Variants in NAALADL2 observed in about 807,000 individuals in gnomAD.
NAALADL2 encodes the protein inactive N-acetylated-alpha-linked acidic dipeptidase-like protein 2.
A neutral mutation model predicts 87.2 loss-of-function variants in NAALADL2; 76 were observed. The observed-to-expected ratio is 0.87, with a 90% confidence interval of 0.72 to 1.05. The LOEUF is 1.05. NAALADL2 is among the 50% of genes least tolerant of loss of function. The pLI, the probability that NAALADL2 is intolerant of heterozygous loss-of-function variation, is 0.00. For synonymous variants in NAALADL2, 354 were observed against 331.0 expected, an observed-to-expected ratio of 1.07 and a Z score of -0.75; for missense variants, 1,089 against 945.8, an observed-to-expected ratio of 1.15 and a Z score of -1.99.
At chr3:174,774,678 TC>T (rs1714991318) in intron 3 of NAALADL2, among the ~76,000 whole-genome samples, 1 of 152,208 alleles carries the variant, frequency 6.6e-6, no homozygotes, top group African/African-American at 2.4e-5. Context: ...CTTTGGCAGT[TC>T]TGCACCAAGA....
In NAALADL2 at chr3:175,177,158, A is replaced by G. The variant is rs989831671; in HGVS notation, c.546-56773A>G. ...ATCTTATCCAAATCTTTCTCCCCATATGCTCCAGCTTCTTGTGTCTAATTT... is the reference window on the plus strand; with the variant it reads ...ATCTTATCCAAATCTTTCTCCCCATGTGCTCCAGCTTCTTGTGTCTAATTT... On this transcript the variant is annotated intron_variant, in intron 2 of 13. Transcript: ENST00000454872. Among the ~76,000 whole-genome samples the G allele has an allele frequency of 2.2e-4, 33 of 151,982 alleles. 1 individual carries two copies. The highest frequency in any genetic ancestry group is 1.8e-3 in the Admixed American group (27 of 15,212).
intron 1 of NAALADL2, among the ~76,000 whole-genome samples, chr3:174,873,191 C>G (rs1481223125): frequency 2.1e-5 from 3 of 141,244 alleles, no homozygotes; most frequent in Non-Finnish European, 3.0e-5. Context: ...AACTCACTCT[C>G]TCTGTCTGTC....
chr3:174,676,166 A>G (rs1196490030), intron 2 of NAALADL2, among the ~76,000 whole-genome samples: 1 of 152,038 alleles, frequency 6.6e-6, no homozygotes, highest in Non-Finnish European at 1.5e-5. Flanking sequence ...TAATTGACCA[A>G]TTGTGAAGAT....
At chr3:175,230,946 C>A (rs1744855826) in intron 2 of NAALADL2, among the ~76,000 whole-genome samples, 1 of 151,872 alleles carries the variant, frequency 6.6e-6, no homozygotes, top group Non-Finnish European at 1.5e-5. Flanking sequence ...TATCAGGAAA[C>A]ATGAATAAGA....
At chr3:174,566,620 C>T (rs1162255158) in intron 2 of NAALADL2, among the ~76,000 whole-genome samples, 1 of 151,582 alleles carries the variant, frequency 6.6e-6, no homozygotes, top group Non-Finnish European at 1.5e-5. Flanking sequence ...TCCCTCATTC[C>T]ATATTTTATG....
At chr3:175,562,238 C>G (rs1402179444) in intron 9 of NAALADL2, among the ~76,000 whole-genome samples, 1 of 152,070 alleles carries the variant, frequency 6.6e-6, no homozygotes, top group East Asian at 1.9e-4. Flanking sequence ...ACCTGAGTGA[C>G]AATAGATGAT....
intron 2 of NAALADL2, among the ~76,000 whole-genome samples, chr3:174,705,594 C>A (rs897818150): frequency 2.0e-5 from 3 of 151,994 alleles, no homozygotes; most frequent in Non-Finnish European, 4.4e-5. Flanking sequence ...ACCATCCTGG[C>A]TAACACGGTG....
At chr3:175,025,902 C>T (rs920349274) in intron 1 of NAALADL2, among the ~76,000 whole-genome samples, 2 of 152,108 alleles carry the variant, frequency 1.3e-5, no homozygotes, top group Non-Finnish European at 2.9e-5. Context: ...CTCCACCTCT[C>T]AGGCTCAAGT....
intron 1 of NAALADL2, among the ~76,000 whole-genome samples, chr3:174,887,847 T>C (rs544478298): frequency 2.9e-4 from 44 of 151,658 alleles, no homozygotes; most frequent in African/African-American, 9.7e-4. Flanking sequence ...CATGTGGATA[T>C]AGTGATGAAA....
chr3:175,567,423 C>T (rs775839996), intron 9 of NAALADL2, among the ~76,000 whole-genome samples: 4 of 151,474 alleles, frequency 2.6e-5, no homozygotes, highest in Non-Finnish European at 5.9e-5. Context: ...CTCATTAGTA[C>T]ATAATGAAAT....
chr3:175,726,069 A>C (rs1366367663), intron 11 of NAALADL2, among the ~76,000 whole-genome samples: 1 of 152,126 alleles, frequency 6.6e-6, no homozygotes, highest in Non-Finnish European at 1.5e-5. Flanking sequence ...TCTAGAAACA[A>C]TATGACTAGC....
chr3:175,437,254 T>G (rs1482769231), intron 5 of NAALADL2, among the ~76,000 whole-genome samples: 5 of 149,478 alleles, frequency 3.3e-5, no homozygotes, highest in Non-Finnish European at 7.4e-5. Flanking sequence ...CAGCAAAGTC[T>G]CAGGATACAA....
Position 174,714,166 on chromosome 3 carries a change from A to G in NAALADL2, c.-114-23475A>G, listed in dbSNP as rs187658756. Among the ~76,000 whole-genome samples the G allele has an allele frequency of 3.8e-3, 575 of 152,010 alleles. 4 individuals carry two copies. Among genetic ancestry groups the G allele is most frequent in the South Asian group, 0.012 (59 of 4,808 alleles). ...TTCTGTTCCATTGGTCTATATCTCTATTTTGGTACCAGTTCCATGCTGTTT... is the reference window on the plus strand; with the variant it reads ...TTCTGTTCCATTGGTCTATATCTCTGTTTTGGTACCAGTTCCATGCTGTTT... On this transcript the variant is annotated intron_variant, in intron 2 of 3. Coordinates refer to the NAALADL2 transcript ENST00000434257.
At chr3:175,614,783 T>C (rs1433922305) in intron 10 of NAALADL2, among the ~76,000 whole-genome samples, 1 of 152,238 alleles carries the variant, frequency 6.6e-6, no homozygotes, top group African/African-American at 2.4e-5. Context: ...ACACAAGATA[T>C]GCAACTATAA....
Position 174,509,651 on chromosome 3 carries a change from C to T in NAALADL2, c.-183-40918C>T, listed in dbSNP as rs113636053. ...CCATGTTGGCTAGGATGGTCTTGAT[C>T]TCCTGACCTCGTAATCCGCCCACCT... On this transcript the variant is annotated intron_variant, in intron 1 of 3. Transcript: ENST00000434257. Among the ~76,000 whole-genome samples, 709 of 134,686 alleles carry T rather than the reference C, an allele frequency of 5.3e-3. 3 individuals carry two copies. Among genetic ancestry groups the T allele is most frequent in the Middle Eastern group, 9.5e-3 (2 of 210 alleles). 88.4% of individuals were successfully genotyped at this position (134,686 alleles called of 152,430 possible). A position where few individuals can be genotyped will look rare whatever the true frequency, so the allele number is the denominator to read the frequency against.
At chr3:174,981,450 A>G (rs1387624362) in intron 1 of NAALADL2, among the ~76,000 whole-genome samples, 9 of 152,182 alleles carry the variant, frequency 5.9e-5, no homozygotes, top group African/African-American at 1.7e-4. Context: ...ATTTTGTGTC[A>G]TGTTTTCTGG....
chr3:174,823,907 C>CACTATCT (rs1721703166), intron 3 of NAALADL2, among the ~76,000 whole-genome samples: 1 of 152,102 alleles, frequency 6.6e-6, no homozygotes, highest in Admixed American at 6.6e-5. Flanking sequence ...TACGAGATTT[C>CACTATCT]ACTATGTTGG....
chr3:175,715,406 A>T (rs1170994993), intron 11 of NAALADL2, among the ~76,000 whole-genome samples: 1 of 152,222 alleles, frequency 6.6e-6, no homozygotes, highest in Non-Finnish European at 1.5e-5. Flanking sequence ...TCTAATTGGT[A>T]CATATATGCA....
At chr3:174,524,537 G>A (rs557520547) in intron 1 of NAALADL2, among the ~76,000 whole-genome samples, 14 of 152,022 alleles carry the variant, frequency 9.2e-5, no homozygotes, top group African/African-American at 3.1e-4. Flanking sequence ...ATATTTAGGT[G>A]GTCCCATAAA....
Sources: gnomAD v4.1 joint callset for allele counts (sites outside exome capture counted in the v4.1 genomes callset) on GRCh38, gnomAD v4.1.1 for gene constraint, MANE v1.5 for transcripts, NCBI Gene and HGNC (gene_info 2026-07-23, HGNC 2026-07-21) for gene names.